GALNTL6: variants seen among roughly 807,000 people sequenced by gnomAD.
GALNTL6 encodes polypeptide N-acetylgalactosaminyltransferase like 6.
Under a neutral mutation model 73.7 loss-of-function variants are expected in GALNTL6, and 46 were observed. That is an observed-to-expected ratio of 0.62 (90% CI 0.49 to 0.80). The LOEUF (loss-of-function observed/expected upper bound fraction) is 0.80, where lower values mean the gene tolerates loss of function less well. GALNTL6 is among the 30% of genes least tolerant of loss of function. The pLI is 0.00. For missense variants in GALNTL6, 604 were observed against 755.0 expected (o/e 0.80, Z 2.34); for synonymous variants, 259 against 263.7 (o/e 0.98, Z 0.17).
chr4:172,330,497 T>C (rs1741089156), intron 4 of GALNTL6, among the ~76,000 whole-genome samples: 2 of 152,248 alleles, frequency 1.3e-5, no homozygotes, highest in South Asian at 4.1e-4. Context: ...TGAATCCCAA[T>C]GTGTGTACCT....
chr4:172,500,639 TC>T (rs1734229261), intron 5 of GALNTL6, among the ~76,000 whole-genome samples: 1 of 151,738 alleles, frequency 6.6e-6, no homozygotes, highest in African/African-American at 2.4e-5. Flanking sequence ...GAAAAAAAAA[TC>T]AAGCAAATCT....
chr4:172,405,779 A>G (rs1312190186), intron 5 of GALNTL6, among the ~76,000 whole-genome samples: 1 of 151,720 alleles, frequency 6.6e-6, no homozygotes, highest in Non-Finnish European at 1.5e-5. Context: ...TTTTCATCAC[A>G]AAGTTTTATT....
At chr4:172,265,233 G>T (rs1738411598) in intron 3 of GALNTL6, among the ~76,000 whole-genome samples, 1 of 151,868 alleles carries the variant, frequency 6.6e-6, no homozygotes, top group Non-Finnish European at 1.5e-5. Context: ...AGAGATGAGG[G>T]CAAACCAGAG....
At chr4:171,876,341 C>T (rs1236790644) in intron 2 of GALNTL6, among the ~76,000 whole-genome samples, 11 of 152,226 alleles carry the variant, frequency 7.2e-5, no homozygotes, top group Middle Eastern at 3.4e-3. Flanking sequence ...TGAAGATACA[C>T]GGAGGCAAAA....
At chr4:172,550,599 T>A (rs1735920624) in intron 5 of GALNTL6, among the ~76,000 whole-genome samples, 1 of 152,098 alleles carries the variant, frequency 6.6e-6, no homozygotes, top group African/African-American at 2.4e-5. Context: ...AAATTTATTT[T>A]ATTTTATTTT....
chr4:171,864,716 C>A (rs530385844), intron 2 of GALNTL6, among the ~76,000 whole-genome samples: 1 of 152,134 alleles, frequency 6.6e-6, no homozygotes, highest in Non-Finnish European at 1.5e-5. Context: ...TTCTTACCTG[C>A]AAGGTACTGA....
intron 2 of GALNTL6, among the ~76,000 whole-genome samples, chr4:172,076,208 C>T (rs976008917): frequency 6.6e-6 from 1 of 152,214 alleles, no homozygotes; most frequent in African/African-American, 2.4e-5. Flanking sequence ...AAATTAGTCT[C>T]TGCTGCATAT....
intron 10 of GALNTL6, among the ~76,000 whole-genome samples, chr4:172,969,887 A>G (rs1199985540): frequency 2.0e-5 from 3 of 152,208 alleles, no homozygotes; most frequent in South Asian, 2.1e-4. Context: ...CAATATTTCA[A>G]TGTAGTTTAT....
intron 2 of GALNTL6, among the ~76,000 whole-genome samples, chr4:171,880,710 A>C (rs915953946): frequency 3.3e-5 from 5 of 152,216 alleles, no homozygotes; most frequent in African/African-American, 1.2e-4. Context: ...GGTTATTTAC[A>C]GAACTCAGTA....
chr4:172,697,704 G>T (rs1312857118), intron 5 of GALNTL6, among the ~76,000 whole-genome samples: 2 of 152,136 alleles, frequency 1.3e-5, no homozygotes, highest in African/African-American at 4.8e-5. Context: ...ATGCTTGCAA[G>T]GTAACTAGGA....
chr4:172,783,117 A>G (rs1487539430), intron 5 of GALNTL6, among the ~76,000 whole-genome samples: 4 of 151,312 alleles, frequency 2.6e-5, no homozygotes, highest in Non-Finnish European at 5.9e-5. Flanking sequence ...TGGACCTGCC[A>G]CGGCAGGTCC....
At chr4:172,997,281 G>T (rs531147999) in intron 10 of GALNTL6, among the ~76,000 whole-genome samples, 35 of 152,216 alleles carry the variant, frequency 2.3e-4, no homozygotes, top group African/African-American at 8.4e-4. Context: ...TTGGTAAAAA[G>T]AGCCCAGGTC....
chr4:172,253,893 G>A (rs1427273828), intron 3 of GALNTL6, among the ~76,000 whole-genome samples: 2 of 151,854 alleles, frequency 1.3e-5, no homozygotes, highest in African/African-American at 4.8e-5. Flanking sequence ...AAATGAAGAT[G>A]TGTATTATTG....
intron 2 of GALNTL6, among the ~76,000 whole-genome samples, chr4:172,082,845 G>T (rs915718239): frequency 2.0e-5 from 3 of 152,128 alleles, no homozygotes; most frequent in African/African-American, 7.2e-5. Flanking sequence ...CATTGGTGGT[G>T]CTTTAAAAAG....
chr4:171,972,357 TCTAA>T (rs1739598014), intron 2 of GALNTL6, among the ~76,000 whole-genome samples: 1 of 152,198 alleles, frequency 6.6e-6, no homozygotes, highest in African/African-American at 2.4e-5. Flanking sequence ...AAATGATACT[TCTAA>T]CTTAGTATTG....
At chr4:172,862,826 G>A (rs1052303230) in intron 7 of GALNTL6, among the ~76,000 whole-genome samples, 2 of 152,194 alleles carry the variant, frequency 1.3e-5, no homozygotes, top group African/African-American at 4.8e-5. Context: ...ATGTCTCCAG[G>A]GCATGTCAGA....
At chr4:172,702,770 A>G (rs146973129) in intron 5 of GALNTL6, among the ~76,000 whole-genome samples, 12 of 152,146 alleles carry the variant, frequency 7.9e-5, no homozygotes, top group Middle Eastern at 3.4e-3. Context: ...ACAAATTACC[A>G]CTATTTCAGT....
intron 2 of GALNTL6, among the ~76,000 whole-genome samples, chr4:172,055,629 C>T (rs963777000): frequency 6.6e-6 from 1 of 152,084 alleles, no homozygotes. Flanking sequence ...GTCAACCAGA[C>T]ATTGCAAATG....
At chr4:171,888,931 AG>A (rs779718977) in intron 2 of GALNTL6, among the ~76,000 whole-genome samples, 2 of 152,138 alleles carry the variant, frequency 1.3e-5, no homozygotes, top group Non-Finnish European at 2.9e-5. Flanking sequence ...TTTGTTGTAT[AG>A]TTCTTTGCCA....
Sources: allele counts gnomAD v4.1 joint callset (sites outside exome capture counted in the v4.1 genomes callset), GRCh38; gene constraint gnomAD v4.1.1; transcripts MANE v1.5; gene names NCBI Gene and HGNC (gene_info 2026-07-23, HGNC 2026-07-21).